CEP128: variants seen among roughly 807,000 people sequenced by gnomAD.
CEP128 encodes the protein centrosomal protein 128.
In CEP128, 132 loss-of-function variants were observed where a neutral mutation model predicts 156.7. The ratio of observed to expected loss-of-function variants is 0.84; its 90% confidence interval spans 0.73 to 0.97. CEP128 has a LOEUF of 0.97. Ranked by LOEUF, CEP128 falls within the 50% of genes least tolerant of loss-of-function variation. The pLI is 0.00. For missense variants in CEP128, 1,252 were observed against 1,281.9 expected (o/e 0.98, Z 0.36); for synonymous variants, 469 against 448.9 (o/e 1.04, Z -0.57).
intron 19 of CEP128, among the ~76,000 whole-genome samples, chr14:80,728,491 C>T (rs904812805): frequency 1.3e-5 from 2 of 151,880 alleles, no homozygotes; most frequent in Admixed American, 1.3e-4. Context: ...AACAAATCTG[C>T]ACATGTACCC....
chr14:80,838,111 G>C, intron 11 of CEP128, 93 bp downstream of exon 11: 1 of 862,718 alleles, frequency 1.2e-6, no homozygotes, highest in Non-Finnish European at 1.8e-6. Context: ...TCTAGACCTA[G>C]TTCTTTTTTT....
At chr14:80,846,970 C>T (rs1886638930) in intron 9 of CEP128, among the ~76,000 whole-genome samples, 1 of 151,958 alleles carries the variant, frequency 6.6e-6, no homozygotes, top group Non-Finnish European at 1.5e-5. Context: ...CAACTATTTC[C>T]CAATACCAGA....
At chr14:80,746,354 G>A (rs748104184) in intron 18 of CEP128, among the ~76,000 whole-genome samples, 2 of 152,188 alleles carry the variant, frequency 1.3e-5, no homozygotes, top group Non-Finnish European at 2.9e-5. Flanking sequence ...CAAAGCTACA[G>A]TAGTCAAGAT....
chr14:80,697,447 G>A (rs1896928332), intron 19 of CEP128, among the ~76,000 whole-genome samples: 2 of 151,886 alleles, frequency 1.3e-5, no homozygotes, highest in African/African-American at 4.8e-5. Flanking sequence ...TCTGAAATTG[G>A]GAATTCTTAA....
intron 20 of CEP128, among the ~76,000 whole-genome samples, chr14:80,563,642 T>C (rs1448089047): frequency 2.7e-5 from 4 of 149,862 alleles, no homozygotes; most frequent in Non-Finnish European, 5.9e-5. Context: ...TAAGTGATTC[T>C]CCTGTCTCAG....
rs188076129 is a variant in CEP128, at chr14:80,949,912, A to G, written c.-172+8266T>C. On this transcript the variant is annotated intron_variant, in intron 2 of 7. Coordinates refer to the CEP128 transcript ENST00000555529. ...AAAATATATATATATTCGAATTATC[A>G]AACAAGGACACTGTTGTATGTTGAG... Among the ~76,000 whole-genome samples, 15 of 152,336 alleles carry G rather than the reference A, an allele frequency of 9.8e-5. No homozygotes were observed. The East Asian group carries it at 2.5e-3, about 25-fold the overall frequency.
At chr14:80,772,617 C>T (rs1307600270) in intron 16 of CEP128, among the ~76,000 whole-genome samples, 1 of 152,192 alleles carries the variant, frequency 6.6e-6, no homozygotes, top group Non-Finnish European at 1.5e-5. Flanking sequence ...CACTGTGACA[C>T]ATGCCTACTA....
chr14:80,797,743 A>G (rs886267578), intron 13 of CEP128, among the ~76,000 whole-genome samples: 2 of 152,328 alleles, frequency 1.3e-5, no homozygotes, highest in South Asian at 2.1e-4. Flanking sequence ...GAACATATAC[A>G]TAGAGCACAT....
intron 21 of CEP128, among the ~76,000 whole-genome samples, chr14:80,555,697 G>T (rs766189610): frequency 2.0e-5 from 3 of 151,814 alleles, no homozygotes; most frequent in Non-Finnish European, 4.4e-5. Context: ...GGGCTTCTGG[G>T]GCTCTTTCTA....
intron 19 of CEP128, among the ~76,000 whole-genome samples, chr14:80,638,004 C>T (rs7148754): frequency 0.29 from 44,609 of 152,088 alleles, 8,506 homozygotes; most frequent in African/African-American, 0.53. Flanking sequence ...GCAAAACTGA[C>T]TTCAGACTTC....
intron 8 of CEP128, among the ~76,000 whole-genome samples, chr14:80,871,478 T>C (rs1888023948): frequency 1.3e-5 from 2 of 152,096 alleles, no homozygotes; most frequent in African/African-American, 4.8e-5. Context: ...GGTGACCAGC[T>C]TAACGTGCTG....
intron 19 of CEP128, among the ~76,000 whole-genome samples, chr14:80,589,871 A>G (rs2140479530): frequency 6.6e-6 from 1 of 152,262 alleles, no homozygotes; most frequent in Middle Eastern, 3.4e-3. Flanking sequence ...TAACTCTCTG[A>G]CATGCAATAT....
intron 9 of CEP128, among the ~76,000 whole-genome samples, chr14:80,850,499 G>A (rs1886837655): frequency 6.6e-6 from 1 of 152,100 alleles, no homozygotes; most frequent in Admixed American, 6.6e-5. Context: ...CAAATTATGT[G>A]AAAATCTAAA....
chr14:80,546,999 T>C (rs772469316), intron 21 of CEP128, among the ~76,000 whole-genome samples: 17 of 152,226 alleles, frequency 1.1e-4, no homozygotes, highest in Non-Finnish European at 2.2e-4. Flanking sequence ...GCCTTTCATC[T>C]GAGATCAAAG....
chr14:80,604,433 T>A (rs1288148719), intron 19 of CEP128, among the ~76,000 whole-genome samples: 1 of 152,122 alleles, frequency 6.6e-6, no homozygotes, highest in Non-Finnish European at 1.5e-5. Flanking sequence ...GAGATTAAGG[T>A]CAAACTCCTT....
chr14:80,886,214 T>C (rs565186275), intron 8 of CEP128, among the ~76,000 whole-genome samples: 1 of 152,230 alleles, frequency 6.6e-6, no homozygotes, highest in Admixed American at 6.5e-5. Flanking sequence ...CTTCAGGATA[T>C]TATCCAGGAG....
upstream of CEP128, chr14:80,942,521 C>G (rs1292479741): frequency 6.6e-6 from 1 of 152,160 alleles, no homozygotes; most frequent in African/African-American, 2.4e-5. Context: ...TTCTTCTCTG[C>G]CAAAAAGACC....
At chr14:80,769,167 A>C (rs192308470) in intron 16 of CEP128, among the ~76,000 whole-genome samples, 134 of 152,262 alleles carry the variant, frequency 8.8e-4, no homozygotes, top group African/African-American at 3.1e-3. Flanking sequence ...AAAGAAAAAA[A>C]TTATCATTCA....
intron 19 of CEP128, among the ~76,000 whole-genome samples, chr14:80,734,426 C>T (rs1253841815): frequency 6.6e-6 from 1 of 151,844 alleles, no homozygotes; most frequent in Non-Finnish European, 1.5e-5. Flanking sequence ...TAAGAAATGA[C>T]ACCCTGACTT....
Sources: allele counts gnomAD v4.1 joint callset (sites outside exome capture counted in the v4.1 genomes callset), GRCh38; gene constraint gnomAD v4.1.1; transcripts MANE v1.5; gene names NCBI Gene and HGNC (gene_info 2026-07-23, HGNC 2026-07-21).